The following ZC3H12B variants were observed in gnomAD, a reference collection of about 807,000 sequenced individuals.
ZC3H12B encodes the protein probable ribonuclease ZC3H12B.
Under a neutral mutation model 43.9 loss-of-function variants are expected in ZC3H12B, and 7 were observed. The observed-to-expected ratio is 0.16, with a 90% confidence interval of 0.09 to 0.30. ZC3H12B has a LOEUF of 0.30. Ranked by LOEUF, ZC3H12B falls within the 10% of genes least tolerant of loss-of-function variation. The probability of loss-of-function intolerance (pLI) is 1.00; values close to 1 mark genes in which losing one functional copy is unlikely to be tolerated. For missense variants in ZC3H12B, 475 were observed against 670.2 expected (o/e 0.71, Z 3.22); for synonymous variants, 222 against 241.7 (o/e 0.92, Z 0.76).
upstream of ZC3H12B, among the ~76,000 whole-genome samples, chrX:65,365,926 C>T (rs1317834204): frequency 9.1e-6 from 1 of 109,720 alleles, no homozygotes; most frequent in Admixed American, 9.9e-5. Flanking sequence ...TCTTTTTGGA[C>T]TCAACCCTCC....
chrX:65,439,149 T>C (rs1056310372), intron 3 of ZC3H12B, among the ~76,000 whole-genome samples: 1 of 112,428 alleles, frequency 8.9e-6, no homozygotes, highest in Non-Finnish European at 1.9e-5. Context: ...TGCAGCTCCT[T>C]CAAGCACTCC....
At chrX:65,478,409 T>C (rs2068023553) in intron 3 of ZC3H12B, among the ~76,000 whole-genome samples, 1 of 112,026 alleles carries the variant, frequency 8.9e-6, no homozygotes, top group South Asian at 3.7e-4. Flanking sequence ...TCTTTGCATA[T>C]CTCATAATTT....
chrX:65,225,486 A>T, the ZC3H12B span, among the ~76,000 whole-genome samples: 1 of 112,694 alleles, frequency 8.9e-6, no homozygotes, highest in African/African-American at 3.2e-5. Flanking sequence ...CTCCAAAGGA[A>T]CGCAGTTCCT....
intron 3 of ZC3H12B, among the ~76,000 whole-genome samples, chrX:65,418,129 T>G (rs2066981151): frequency 8.9e-6 from 1 of 111,902 alleles, no homozygotes; most frequent in South Asian, 3.7e-4. Context: ...ACAAAGAAGC[T>G]ATAGCAAGTG....
At chrX:65,452,990 G>GA (rs927981648) in intron 3 of ZC3H12B, among the ~76,000 whole-genome samples, 1 of 110,127 alleles carries the variant, frequency 9.1e-6, no homozygotes, top group East Asian at 2.9e-4. Context: ...CACAGAACTA[G>GA]AAAAAACAAT....
the ZC3H12B span, among the ~76,000 whole-genome samples, chrX:65,242,344 C>T: frequency 8.9e-6 from 1 of 111,734 alleles, no homozygotes; most frequent in Non-Finnish European, 1.9e-5. Flanking sequence ...ATTTCATAAA[C>T]CAATAGTGAA....
chrX:65,423,122 G>T (rs1416219895), intron 3 of ZC3H12B, among the ~76,000 whole-genome samples: 4 of 108,749 alleles, frequency 3.7e-5, no homozygotes, highest in Non-Finnish European at 7.6e-5. Context: ...TAGTAGAGAT[G>T]GGGTTTCACC....
At chrX:65,201,674 C>G in the ZC3H12B span, among the ~76,000 whole-genome samples, 3 of 99,294 alleles carry the variant, frequency 3.0e-5, no homozygotes, top group Non-Finnish European at 5.9e-5. Context: ...CTCTCTCTCT[C>G]TCTCTCCAGG....
chrX:65,079,592 T>A, the ZC3H12B span, among the ~76,000 whole-genome samples: 1 of 112,407 alleles, frequency 8.9e-6, no homozygotes, highest in Admixed American at 9.4e-5. Context: ...GTAATCCAAA[T>A]AATTTTTCTG....
At chrX:65,076,211 G>A in the ZC3H12B span, among the ~76,000 whole-genome samples, 3 of 108,312 alleles carry the variant, frequency 2.8e-5, no homozygotes, top group Admixed American at 2.9e-4. Flanking sequence ...TTGGAGTGCA[G>A]TGGTGTGATC....
the ZC3H12B span, among the ~76,000 whole-genome samples, chrX:65,310,888 A>G: frequency 8.9e-6 from 1 of 112,158 alleles, no homozygotes; most frequent in African/African-American, 3.2e-5. Flanking sequence ...CAAAAACAAG[A>G]AATGGGGAAA....
chrX:65,376,173 T>C (rs1447114891), intron 2 of ZC3H12B, among the ~76,000 whole-genome samples: 2 of 112,056 alleles, frequency 1.8e-5, no homozygotes, highest in Non-Finnish European at 3.8e-5. Flanking sequence ...AGTGGGCCTG[T>C]GGTGGTGGTG....
At chrX:65,353,877 G>T in the ZC3H12B span, among the ~76,000 whole-genome samples, 2 of 111,698 alleles carry the variant, frequency 1.8e-5, no homozygotes, top group Non-Finnish European at 3.8e-5. Context: ...GCCCACCACA[G>T]TTTGGCAAAG....
chrX:65,439,662 C>A (rs55671170), intron 3 of ZC3H12B, among the ~76,000 whole-genome samples: 16,061 of 111,464 alleles, frequency 0.14, 2,739 homozygotes, highest in African/African-American at 0.49. Context: ...TATTACCAGC[C>A]CTTATTGAAG....
At chrX:65,143,426 CT>C in the ZC3H12B span, among the ~76,000 whole-genome samples, 2 of 110,569 alleles carry the variant, frequency 1.8e-5, no homozygotes, top group African/African-American at 6.6e-5. Context: ...TTGTCAAACC[CT>C]TTTTCTGCCT....
At chrX:65,324,510 T>C in the ZC3H12B span, among the ~76,000 whole-genome samples, 1 of 111,886 alleles carries the variant, frequency 8.9e-6, no homozygotes, top group South Asian at 3.7e-4. Context: ...GTTTTCATTT[T>C]TGTCTCAAGA....
chrX:65,107,896 A>G, the ZC3H12B span, among the ~76,000 whole-genome samples: 1 of 111,513 alleles, frequency 9.0e-6, no homozygotes, highest in Non-Finnish European at 1.9e-5. Flanking sequence ...ATACAAGTCT[A>G]TTACACAACT....
Position 65,388,545 on chromosome X carries a change from A to C in ZC3H12B, n.296-10048A>C, listed in dbSNP as rs190113993. On this transcript the variant is annotated intron_variant and non_coding_transcript_variant, in intron 2 of 5. Coordinates refer to the ZC3H12B transcript ENST00000617377. ...GTTATTCTAGTTCGCCATTTGTCTA[A>C]TTTTTTTTTCAAAGTTTTTAACTTC... 1.3e-4 allele frequency among the ~76,000 whole-genome samples: 14 copies of C among 109,514 alleles called. No homozygotes were observed. The East Asian group carries it at 1.7e-3, about 13-fold the overall frequency.
intron 3 of ZC3H12B, chrX:65,469,429 A>G (rs377518732): frequency 2.2e-6 from 1 of 462,721 alleles, no homozygotes. Context: ...GGAATGCCAG[A>G]GCTGCGGCTG....
Sources: allele counts gnomAD v4.1 joint callset (sites outside exome capture counted in the v4.1 genomes callset), GRCh38; gene constraint gnomAD v4.1.1; transcripts MANE v1.5; gene names NCBI Gene and HGNC (gene_info 2026-07-23, HGNC 2026-07-21).